Variants in VPS13A observed in about 807,000 individuals in gnomAD.
VPS13A encodes intermembrane lipid transfer protein VPS13A.
A neutral mutation model predicts 390.9 loss-of-function variants in VPS13A; 264 were observed. The observed-to-expected ratio is 0.68, with a 90% confidence interval of 0.61 to 0.75. The LOEUF (loss-of-function observed/expected upper bound fraction) is 0.75, where lower values mean the gene tolerates loss of function less well. VPS13A is among the 30% of genes least tolerant of loss of function. The pLI, the probability that VPS13A is intolerant of heterozygous loss-of-function variation, is 0.00. For missense variants in VPS13A, 3,409 were observed against 3,733.9 expected, an observed-to-expected ratio of 0.91 and a Z score of 2.27; for synonymous variants, 1,231 against 1,227.1, an observed-to-expected ratio of 1.00 and a Z score of -0.07.
At chr9:77,406,402 A>G (rs867382832) in intron 70 of VPS13A, among the ~76,000 whole-genome samples, 1 of 151,882 alleles carries the variant, frequency 6.6e-6, no homozygotes. Flanking sequence ...GAGACCTTAT[A>G]TCTACAATTC....
intron 17 of VPS13A, among the ~76,000 whole-genome samples, chr9:77,230,123 CTTTTT>C (rs984350423): frequency 1.3e-5 from 2 of 151,690 alleles, no homozygotes; most frequent in Admixed American, 1.3e-4. Flanking sequence ...GTTGGGTTGT[CTTTTT>C]ATTATCGATT....
At chr9:77,300,294 T>C (rs998084927) in intron 33 of VPS13A, among the ~76,000 whole-genome samples, 1 of 152,208 alleles carries the variant, frequency 6.6e-6, no homozygotes, top group Non-Finnish European at 1.5e-5. Flanking sequence ...ATGATTGATA[T>C]CTTTATTACA....
At chr9:77,276,743 C>T (rs1381270131) in intron 26 of VPS13A, among the ~76,000 whole-genome samples, 1 of 152,118 alleles carries the variant, frequency 6.6e-6, no homozygotes, top group Non-Finnish European at 1.5e-5. Flanking sequence ...GGATGGCTGC[C>T]CTTAGGCCTC....
chr9:77,328,629 A>G (rs903409720), intron 45 of VPS13A, among the ~76,000 whole-genome samples: 1 of 152,212 alleles, frequency 6.6e-6, no homozygotes, highest in South Asian at 2.1e-4. Context: ...TGCTGCAGCC[A>G]CTTGCCACTT....
At chr9:77,340,041 A>G (rs930226384) in intron 48 of VPS13A, 130 bp downstream of exon 48, 1 of 1,362,726 alleles carries the variant, frequency 7.3e-7, no homozygotes, top group Non-Finnish European at 1.0e-6. Flanking sequence ...GGCCAAAAAG[A>G]TTAGAATTTA....
At chr9:77,366,965 G>C in intron 61 of VPS13A, 93 bp downstream of exon 61, 16 of 1,337,566 alleles carry the variant, frequency 1.2e-5, no homozygotes, top group African/African-American at 2.9e-5. Context: ...TGTGAAGTAC[G>C]TTGCAGATCA....
intron 23 of VPS13A, among the ~76,000 whole-genome samples, chr9:77,268,169 C>A (rs1826142550): frequency 6.6e-6 from 1 of 152,242 alleles, no homozygotes; most frequent in Admixed American, 6.5e-5. Context: ...GTTCATCTTG[C>A]TGGCATTCCA....
At position 77,205,426 on chromosome 9, in the gene VPS13A, A is replaced by T. The variant is rs1306173551; in HGVS notation, c.283+18A>T. The T allele has an allele frequency of 6.7e-6, 8 of 1,195,718 alleles. No homozygotes were observed. Among genetic ancestry groups the T allele is most frequent in the Non-Finnish European group, 7.9e-6 (7 of 891,324 alleles). The allele number at this position is 1,195,718 out of a possible 1,614,324, so 74.1% of individuals were successfully genotyped here. ...TTCTTCTAGTAAGTTAAATTTAAAA[A>T]AATTATAATTTAAGTTATTCTTTTT... On this transcript the variant is annotated intron_variant, in intron 4 of 71. Coordinates refer to ENST00000360280, the MANE Select transcript of VPS13A (RefSeq NM_033305.3).
chr9:77,400,890 T>C (rs1834359900), intron 68 of VPS13A, among the ~76,000 whole-genome samples: 2 of 152,024 alleles, frequency 1.3e-5, no homozygotes, highest in African/African-American at 4.8e-5. Flanking sequence ...TTATTTTCTA[T>C]ACTTAAATCA....
In VPS13A at chr9:77,337,268, C is replaced by A; in HGVS notation, c.6109C>A (p.Leu2037Met). ...PLGSYRSFIF[L>M]KPEDENYQMC... ...AATCTCATGCAGATCATTCATTTTTCTGAAGCCAGAAGATGAGAACTATCA... is the reference window on the plus strand; with the variant it reads ...AATCTCATGCAGATCATTCATTTTTATGAAGCCAGAAGATGAGAACTATCA... Residue 2037 changes from leucine (L) to methionine (M), a missense_variant, in exon 47 of 72, where the codon CTG becomes ATG. Around this residue, in one of 5 missense-constraint regions of VPS13A, gnomAD observed 2,717 missense variants for 2,917.4 expected, o/e 0.93. Coordinates refer to ENST00000360280, the MANE Select transcript of VPS13A (RefSeq NM_033305.3). 2 of 1,611,658 alleles carry A rather than the reference C, an allele frequency of 1.2e-6. No homozygotes were observed. The highest frequency in any genetic ancestry group is 8.5e-7 in the Non-Finnish European group (1 of 1,179,542).
intron 54 of VPS13A, among the ~76,000 whole-genome samples, chr9:77,354,151 T>C (rs1365166385): frequency 6.6e-6 from 1 of 152,122 alleles, no homozygotes; most frequent in Non-Finnish European, 1.5e-5. Flanking sequence ...CATAAACAGT[T>C]GTTTTAATTT....
At chr9:77,261,858 A>G (rs756170820) in intron 23 of VPS13A, among the ~76,000 whole-genome samples, 2 of 152,202 alleles carry the variant, frequency 1.3e-5, no homozygotes, top group Non-Finnish European at 2.9e-5. Context: ...TACTGGGATT[A>G]CAGGCGTGAG....
chr9:77,322,785 A>ATGAT (rs1587580358), intron 44 of VPS13A, among the ~76,000 whole-genome samples: 1 of 152,178 alleles, frequency 6.6e-6, no homozygotes, highest in East Asian at 1.9e-4. Context: ...CAAACCAGAG[A>ATGAT]TCAGTATTCT....
At chr9:77,353,320 T>C in intron 53 of VPS13A, 89 bp from the exon 54 acceptor site, 3 of 1,051,144 alleles carry the variant, frequency 2.9e-6, no homozygotes, top group African/African-American at 1.6e-5. Context: ...AATAGTCTCA[T>C]TTTATAAATG....
rs114232513 is a variant in VPS13A, at chr9:77,339,547, A to G, written c.6410A>G (p.Glu2137Gly). ...GIENSVFTLS[E>G]GHSAQICTAQ... Reference sequence around the variant, plus strand: ...GAAAATTCGGTTTTTACTCTAAGTGAAGGACATTCAGCCCAGATTTGTACT... The same window carrying G: ...GAAAATTCGGTTTTTACTCTAAGTGGAGGACATTCAGCCCAGATTTGTACT... Residue 2137 changes from glutamate (E) to glycine (G), a missense_variant, in exon 48 of 72, where the codon GAA (glutamate) becomes GGA (glycine). Glu to Gly is a moderately conservative substitution (Grantham distance 98). Around this residue, in one of 5 missense-constraint regions of VPS13A, gnomAD observed 2,717 missense variants for 2,917.4 expected, o/e 0.93. Transcript: ENST00000360280. 9.9e-4 allele frequency: 1,551 copies of G among 1,568,116 alleles called. 12 individuals carry two copies. In the African/African-American group the frequency reaches 0.018, roughly 19 times the overall value.
chr9:77,357,932 AG>A, intron 56 of VPS13A, 94 bp downstream of exon 56: 1 of 956,144 alleles, frequency 1.0e-6, no homozygotes, highest in Non-Finnish European at 1.6e-6. Context: ...TCTAGTATTC[AG>A]TTTCAATGTT....
Position 77,315,252 on chromosome 9 carries a change from G to C in VPS13A, c.4413-1G>C. 6.2e-7 allele frequency: 1 copy of C among 1,613,606 alleles called. No homozygotes were observed. The highest frequency in any genetic ancestry group is 1.3e-5 in the African/African-American group (1 of 75,046). ...GGAATTGTTGTTATTGTGTTTTCCA[G>C]AATGATAGGACTGACAGTTGGTTTT... On this transcript the variant is annotated splice_acceptor_variant, in intron 37 of 71. Transcript: ENST00000360280. LOFTEE classifies it high-confidence loss of function.
At chr9:77,297,236 A>G (rs1324227002) in intron 33 of VPS13A, among the ~76,000 whole-genome samples, 2 of 152,068 alleles carry the variant, frequency 1.3e-5, no homozygotes, top group Non-Finnish European at 2.9e-5. Flanking sequence ...CTAATATATG[A>G]CGTGCTATAA....
intron 1 of VPS13A, among the ~76,000 whole-genome samples, chr9:77,196,631 GC>G (rs1325342951): frequency 1.3e-5 from 2 of 151,312 alleles, no homozygotes; most frequent in East Asian, 3.9e-4. Context: ...CCTTCCAGGT[GC>G]GTCTGTGTTG....
Sources: allele counts gnomAD v4.1 joint callset (sites outside exome capture counted in the v4.1 genomes callset), GRCh38; gene constraint gnomAD v4.1.1; regional missense constraint gnomAD v4.1.1; transcripts MANE v1.5; gene names NCBI Gene and HGNC (gene_info 2026-07-23, HGNC 2026-07-21).